Variants in ERCC3 observed in about 807,000 individuals in gnomAD.
The protein encoded by ERCC3 is ERCC excision repair 3, TFIIH core complex helicase subunit, also known as general transcription and DNA repair factor IIH helicase/translocase subunit XPB.
ERCC3 carries 66 observed loss-of-function variants against 94.2 expected under a neutral mutation model. The observed-to-expected ratio is 0.70, with a 90% CI of 0.57 to 0.86. ERCC3 has a LOEUF of 0.86. Ranked by LOEUF, ERCC3 falls within the 40% of genes least tolerant of loss-of-function variation. ERCC3 has a pLI of 0.00. For missense variants in ERCC3, 829 were observed against 987.1 expected, an observed-to-expected ratio of 0.84 and a Z score of 2.15; for synonymous variants, 349 against 369.1, an observed-to-expected ratio of 0.95 and a Z score of 0.63.
chr2:127,293,588 C>G lies in ERCC3; in HGVS notation c.159G>C (p.Val53=). The change falls in exon 2 of 15, where the codon GTG becomes GTC. Residue 53 remains valine, a synonymous_variant. Transcript: ENST00000285398. ...TGTAGTCCTTGGCTCCATATTCATC[C>G]ACTTTGGTGCCTGACTCATCCACCT... ...GKQVDESGTK[V]DEYGAKDYRL... is the part of the protein sequence containing the mutation. 6.2e-7 allele frequency: 1 copy of G among 1,614,192 alleles called. No homozygotes were observed. The highest frequency in any genetic ancestry group is 8.5e-7 in the Non-Finnish European group (1 of 1,180,032).
In ERCC3 at chr2:127,259,564, G is replaced by C; in HGVS notation, c.2065-116C>G. 7.2e-7 allele frequency: 1 copy of C among 1,382,178 alleles called. No homozygotes were observed. The highest frequency in any genetic ancestry group is 1.4e-5 in the African/African-American group (1 of 70,746). 85.6% of individuals were successfully genotyped at this position (1,382,178 alleles called of 1,614,324 possible). On this transcript the variant is annotated intron_variant, in intron 13 of 14. Coordinates refer to ENST00000285398, the MANE Select transcript of ERCC3 (RefSeq NM_000122.2). The surrounding 1 kb of genome is among the most constrained non-coding windows in gnomAD (Gnocchi z 4.9). ...TTCCCTCCCCAGGCCCAGCCACCCT[G>C]GTGGCCAACAATGGAGAGCTCCTCC...
intron 13 of ERCC3, chr2:127,260,934 G>A: frequency 2.3e-6 from 1 of 427,622 alleles, no homozygotes; most frequent in Non-Finnish European, 4.4e-6. Context: ...CTGATGAAAG[G>A]AAGAGCTCTC....
At position 127,259,593 on chromosome 2, in the gene ERCC3, G is replaced by T; in HGVS notation, c.2065-145C>A. The T allele has an allele frequency of 2.0e-6, 2 of 994,476 alleles. No individual in the cohort carries two copies. Among genetic ancestry groups the T allele is most frequent in the Non-Finnish European group, 3.2e-6 (2 of 632,072 alleles). 61.6% of individuals were successfully genotyped at this position (994,476 alleles called of 1,614,324 possible). A position where few individuals can be genotyped will look rare whatever the true frequency, so the allele number is the denominator to read the frequency against. On this transcript the variant is annotated intron_variant, in intron 13 of 14. Transcript: ENST00000285398. This position sits in a 1 kb window ranked among gnomAD's most constrained non-coding sequence, Gnocchi z 4.9. The stretch of plus-strand genomic sequence containing the variant: ...GCCAACAATGGAGAGCTCCTCCCTA[G>T]CATTCCAGAGACCAGCATCAGGAGC...
rs188389904 is a variant in ERCC3 at position 127,266,559 on chromosome 2, G to C, written c.1945+4777C>G. ...TCACTGTGTTAGCCAGGATGGTCTC[G>C]ATCTCCTGACCTCGTGATCCACCCG... On this transcript the variant is annotated intron_variant, in intron 12 of 14. Coordinates refer to ENST00000285398, the MANE Select transcript of ERCC3 (RefSeq NM_000122.2). 7.1e-4 allele frequency among the ~76,000 whole-genome samples: 108 copies of C among 151,342 alleles called. 1 individual carries two copies. The East Asian group carries it at 0.019, about 27-fold the overall frequency.
At position 127,289,967 on chromosome 2, in the gene ERCC3, C is replaced by T. The variant is rs533630422; in HGVS notation, c.522-143G>A. On this transcript the variant is annotated intron_variant, in intron 4 of 14. Transcript: ENST00000285398. The stretch of plus-strand genomic sequence containing the variant: ...TCGCCAAATCTGTACCATGAGCTGC[C>T]GGCCATGATTTAACATATGAGGGTT... 33 of 1,016,694 alleles carry T rather than the reference C, an allele frequency of 3.2e-5. 1 individual carries two copies. In the African/African-American group the frequency reaches 3.3e-4, roughly 10 times the overall value. The allele number at this position is 1,016,694 out of a possible 1,614,324, so 63.0% of individuals were successfully genotyped here.
At position 127,259,349 on chromosome 2, in the gene ERCC3, G is replaced by C. The variant is rs1684121465; in HGVS notation, c.2164C>G (p.Leu722Val). Reference protein sequence around the residue: ...LLQKVLAATDLDAEEEVVAGE... With the variant: ...LLQKVLAATDVDAEEEVVAGE... ...GCCACCACCTCCTCCTCGGCATCCA[G>C]GTCAGTGGCTGCCAGGACTTTCTGT... Residue 722 changes from leucine (L) to valine (V), a missense_variant, in exon 14 of 15, where the codon CTG becomes GTG. Coordinates refer to ENST00000285398, the MANE Select transcript of ERCC3 (RefSeq NM_000122.2). The surrounding 1 kb of genome is among the most constrained non-coding windows in gnomAD (Gnocchi z 4.9). 3.1e-6 allele frequency: 5 copies of C among 1,614,046 alleles called. No individual in the cohort carries two copies. The highest frequency in any genetic ancestry group is 3.3e-4 in the Middle Eastern group (2 of 6,084).
intron 6 of ERCC3, 38 bp downstream of exon 6, chr2:127,289,299 C>G (rs1335375318): frequency 9.4e-6 from 15 of 1,594,638 alleles, no homozygotes; most frequent in Non-Finnish European, 1.3e-5. Context: ...CTAACAGCAG[C>G]TCAGTGAAGG....
rs751847283 is a variant in ERCC3, at chr2:127,289,766, T to C, written c.580A>G (p.Ile194Val). ...GAGTTTCTTAAGCGGCATTCTCGGA[T>C]CACGGGGTCCTGGAGAAGATGCTGG... ...VIQHLLQDPV[I>V]RECRLRNSEG... Residue 194 changes from isoleucine to valine, a missense_variant, in exon 5 of 15, where the codon ATC becomes GTC. By Grantham distance (29) the Ile-to-Val change is conservative. Coordinates refer to ENST00000285398, the MANE Select transcript of ERCC3 (RefSeq NM_000122.2). The C allele has an allele frequency of 1.2e-6, 2 of 1,614,120 alleles. No homozygotes were observed. The highest frequency in any genetic ancestry group is 1.7e-6 in the Non-Finnish European group (2 of 1,179,988).
intron 10 of ERCC3, among the ~76,000 whole-genome samples, chr2:127,276,699 C>A (rs1684743949): frequency 6.6e-6 from 1 of 152,108 alleles, no homozygotes; most frequent in South Asian, 2.1e-4. Context: ...AACAAAAAAA[C>A]AGAAATTCTC....
rs925912195 is a variant in ERCC3, at chr2:127,274,969, C to A, written c.1731-2008G>T. ...TTGGGTGGCAGTAGCTCCATGTGACCGAAGTACAAAAGGAGTTCAGAGGTA... is the reference window on the plus strand; with the variant it reads ...TTGGGTGGCAGTAGCTCCATGTGACAGAAGTACAAAAGGAGTTCAGAGGTA... On this transcript the variant is annotated intron_variant, in intron 10 of 14. Transcript: ENST00000285398. This position sits in a 1 kb window ranked among gnomAD's most constrained non-coding sequence, Gnocchi z 4.0. Among the ~76,000 whole-genome samples, 2 of 152,160 alleles carry A rather than the reference C, an allele frequency of 1.3e-5. No individual in the cohort carries two copies. The highest frequency in any genetic ancestry group is 2.9e-5 in the Non-Finnish European group (2 of 68,038).
chr2:127,257,992 C>G lies in ERCC3; in HGVS notation c.2218-265G>C, dbSNP rs971460921. Among the ~76,000 whole-genome samples the G allele has an allele frequency of 6.6e-6, 1 of 152,194 alleles. No homozygotes were observed. Among genetic ancestry groups the G allele is most frequent in the Non-Finnish European group, 1.5e-5 (1 of 68,034 alleles). The stretch of plus-strand genomic sequence containing the variant: ...AGAGATTAACTAACCTATCCAAGAT[C>G]ACATAGCTCTTAAGGAGATGGGATT... On this transcript the variant is annotated intron_variant, in intron 14 of 14. Transcript: ENST00000285398. The surrounding 1 kb of genome is among the most constrained non-coding windows in gnomAD (Gnocchi z 5.4).
chr2:127,280,367 C>T lies in ERCC3; in HGVS notation c.1527+80G>A. 7.8e-7 allele frequency: 1 copy of T among 1,285,490 alleles called. No individual in the cohort carries two copies. Among genetic ancestry groups the T allele is most frequent in the Non-Finnish European group, 1.1e-6 (1 of 903,590 alleles). 79.6% of individuals were successfully genotyped at this position (1,285,490 alleles called of 1,614,324 possible). ...AGCCTAAGTCCTGACCTGTGTCTGC[C>T]CATGAGGAATCGATCTGATCACTCC... On this transcript the variant is annotated intron_variant, in intron 9 of 14. Transcript: ENST00000285398. The surrounding 1 kb of genome is among the most constrained non-coding windows in gnomAD (Gnocchi z 6.3).
Position 127,271,604 on chromosome 2 carries a change from GTGAAGCAATA to G in ERCC3, c.1828-161_1828-152del, listed in dbSNP as rs1684554050. On this transcript the variant is annotated intron_variant, in intron 11 of 14. Transcript: ENST00000285398. This position sits in a 1 kb window ranked among gnomAD's most constrained non-coding sequence, Gnocchi z 5.0. Reference sequence around the variant, plus strand: ...GTCTATCTGATGCAGGCAGAGAGAGGTGAAGCAATAAACCTCAGAAAGGCATCTCTGGGTC... The same window carrying G: ...GTCTATCTGATGCAGGCAGAGAGAGGAACCTCAGAAAGGCATCTCTGGGTC... 1.5e-6 allele frequency: 1 copy of G among 677,898 alleles called. No homozygotes were observed. The highest frequency in any genetic ancestry group is 2.6e-6 in the Non-Finnish European group (1 of 384,060). The allele number at this position is 677,898 out of a possible 1,614,324, so 42.0% of individuals were successfully genotyped here.
intron 5 of ERCC3, 63 bp from the exon 6 acceptor site, chr2:127,289,564 G>A (rs1459753024): frequency 6.2e-7 from 1 of 1,603,182 alleles, no homozygotes; most frequent in Non-Finnish European, 8.5e-7. Context: ...TCAAGCAATG[G>A]GTGAAGTTGT....
At chr2:127,289,845 A>G (rs376585026) in intron 4 of ERCC3, 21 bp from the exon 5 acceptor site, 1 of 1,614,082 alleles carries the variant, frequency 6.2e-7, no homozygotes, top group Non-Finnish European at 8.5e-7. Context: ...GGGAGGAAGA[A>G]GGGGTCTACT....
In ERCC3 at chr2:127,265,320, G is replaced by C. The variant is rs149575415; in HGVS notation, c.1946-3974C>G. On this transcript the variant is annotated intron_variant, in intron 12 of 14. Coordinates refer to ENST00000285398, the MANE Select transcript of ERCC3 (RefSeq NM_000122.2). ...ATTTTTAAGTCTCTGAGAATCTTTTGTATTTCTGGGGATCAGCTGTGATGT... is the reference window on the plus strand; with the variant it reads ...ATTTTTAAGTCTCTGAGAATCTTTTCTATTTCTGGGGATCAGCTGTGATGT... 8.1e-4 allele frequency among the ~76,000 whole-genome samples: 124 copies of C among 152,228 alleles called. 1 individual carries two copies. The East Asian group carries it at 0.014, about 17-fold the overall frequency.
intron 8 of ERCC3, among the ~76,000 whole-genome samples, chr2:127,285,708 G>A (rs1467166888): frequency 6.6e-6 from 1 of 151,414 alleles, no homozygotes; most frequent in Non-Finnish European, 1.5e-5. Flanking sequence ...AAAATTAGCC[G>A]GGTGTGGTAG....
At chr2:127,273,361 C>T (rs922849630) in intron 10 of ERCC3, among the ~76,000 whole-genome samples, 1 of 152,194 alleles carries the variant, frequency 6.6e-6, no homozygotes, top group Non-Finnish European at 1.5e-5. Context: ...AAGACACAGG[C>T]ATGCTCCAAG....
chr2:127,270,392 C>T (rs1275215472), intron 12 of ERCC3, among the ~76,000 whole-genome samples: 5 of 152,116 alleles, frequency 3.3e-5, no homozygotes, highest in African/African-American at 9.7e-5. Context: ...GGATTGTCAC[C>T]CCCACTTTGG....
Sources: allele counts gnomAD v4.1 joint callset (sites outside exome capture counted in the v4.1 genomes callset), GRCh38; gene constraint gnomAD v4.1.1; non-coding constraint Gnocchi (gnomAD v3.1); transcripts MANE v1.5; gene names NCBI Gene and HGNC (gene_info 2026-07-23, HGNC 2026-07-21).